Variants in TANC2 observed in about 807,000 individuals in gnomAD.
The protein encoded by TANC2 is protein TANC2.
In TANC2, 26 loss-of-function variants were observed where a neutral mutation model predicts 210.5. The observed-to-expected ratio is 0.12, with a 90% confidence interval of 0.09 to 0.17. The LOEUF (loss-of-function observed/expected upper bound fraction) is 0.17. Among genes scored for constraint, TANC2 ranks in the 10% least tolerant of loss-of-function variants. The pLI, the probability that TANC2 is intolerant of heterozygous loss-of-function variation, is 1.00. For missense variants in TANC2, 2,129 were observed against 2,608.9 expected, an observed-to-expected ratio of 0.82 and a Z score of 4.01; for synonymous variants, 931 against 967.1, an observed-to-expected ratio of 0.96 and a Z score of 0.69.
Position 63,025,531 on chromosome 17 carries a change from C to T in TANC2, c.67+15905C>T, listed in dbSNP as rs185259340. Among the ~76,000 whole-genome samples, 331 of 152,206 alleles carry T rather than the reference C, an allele frequency of 2.2e-3. 1 individual carries two copies. The highest frequency in any genetic ancestry group is 7.6e-3 in the African/African-American group (315 of 41,528). On this transcript the variant is annotated intron_variant, in intron 2 of 27. Transcript: ENST00000689528. ...AGATCACGGGGCAGGCATGGTAGCTCACGCCTGTAATCCCAGCACTTTGGG... is the reference window on the plus strand; with the variant it reads ...AGATCACGGGGCAGGCATGGTAGCTTACGCCTGTAATCCCAGCACTTTGGG...
At chr17:63,041,544 T>C (rs2035187265) in intron 2 of TANC2, among the ~76,000 whole-genome samples, 1 of 152,200 alleles carries the variant, frequency 6.6e-6, no homozygotes, top group African/African-American at 2.4e-5. Flanking sequence ...AGCACTTCAG[T>C]AATCTTAATC....
intron 14 of TANC2, among the ~76,000 whole-genome samples, chr17:63,360,976 C>T (rs2046941627): frequency 1.3e-5 from 2 of 152,208 alleles, no homozygotes; most frequent in African/African-American, 2.4e-5. Context: ...GACAGGGCCT[C>T]ATTCTTTTTT....
chr17:63,254,593 A>G (rs1325893907), intron 8 of TANC2, among the ~76,000 whole-genome samples: 1 of 152,192 alleles, frequency 6.6e-6, no homozygotes, highest in African/African-American at 2.4e-5. Flanking sequence ...CCCATTCAGT[A>G]TGATACTAGC....
chr17:63,286,444 T>G (rs7216315), intron 9 of TANC2, among the ~76,000 whole-genome samples: 28 of 152,212 alleles, frequency 1.8e-4, no homozygotes, highest in East Asian at 7.7e-4. Context: ...TCCACTGCCT[T>G]CTCACTTGCA....
At chr17:63,291,721 A>G (rs1369734408) in intron 9 of TANC2, among the ~76,000 whole-genome samples, 1 of 152,218 alleles carries the variant, frequency 6.6e-6, no homozygotes, top group African/African-American at 2.4e-5. Context: ...TAAGGACTTA[A>G]CATACATTTC....
At chr17:63,104,730 G>A (rs1247491236) in intron 4 of TANC2, among the ~76,000 whole-genome samples, 1 of 152,146 alleles carries the variant, frequency 6.6e-6, no homozygotes, top group Admixed American at 6.5e-5. Context: ...CTCTTACTCG[G>A]AAGTGGGAGA....
intron 4 of TANC2, among the ~76,000 whole-genome samples, chr17:63,126,607 C>T (rs1243677200): frequency 6.6e-6 from 1 of 152,080 alleles, no homozygotes; most frequent in African/African-American, 2.4e-5. Context: ...TGGAGTTTCA[C>T]TGTGTTGGCC....
At chr17:63,286,998 A>C (rs893370867) in intron 9 of TANC2, among the ~76,000 whole-genome samples, 1 of 152,068 alleles carries the variant, frequency 6.6e-6, no homozygotes, top group Non-Finnish European at 1.5e-5. Flanking sequence ...CAGTGGCGCA[A>C]TCTTGGCCCA....
intron 7 of TANC2, among the ~76,000 whole-genome samples, chr17:63,231,083 TGC>T (rs1406947652): frequency 6.6e-6 from 1 of 152,208 alleles, no homozygotes; most frequent in Non-Finnish European, 1.5e-5. Context: ...AGACTAGGAT[TGC>T]AACCCCTGCT....
chr17:63,294,084 G>T (rs1173847729), intron 9 of TANC2, among the ~76,000 whole-genome samples: 1 of 152,160 alleles, frequency 6.6e-6, no homozygotes, highest in African/African-American at 2.4e-5. Context: ...TGATCTCACA[G>T]AAACTTTCCT....
At chr17:63,111,976 G>A (rs1255045500) in intron 4 of TANC2, among the ~76,000 whole-genome samples, 1 of 152,024 alleles carries the variant, frequency 6.6e-6, no homozygotes, top group Non-Finnish European at 1.5e-5. Flanking sequence ...CGCCCGCCTC[G>A]GCCTTCCAAA....
intron 9 of TANC2, among the ~76,000 whole-genome samples, chr17:63,310,598 C>T (rs944394377): frequency 2.0e-5 from 3 of 152,148 alleles, no homozygotes; most frequent in Non-Finnish European, 2.9e-5. Context: ...AAGACAAACG[C>T]AGGCATTCCA....
intron 19 of TANC2, among the ~76,000 whole-genome samples, chr17:63,402,298 TC>T (rs1269121845): frequency 6.6e-6 from 1 of 152,216 alleles, no homozygotes; most frequent in Non-Finnish European, 1.5e-5. Flanking sequence ...AACCTCTTCC[TC>T]TGTGCCTTCC....
rs569717698 is a variant in TANC2, at chr17:63,079,243, G to C, written c.139+5229G>C. Among the ~76,000 whole-genome samples, 3 of 152,316 alleles carry C rather than the reference G, an allele frequency of 2.0e-5. No individual in the cohort carries two copies. The East Asian group carries it at 5.8e-4, about 29-fold the overall frequency. The stretch of plus-strand genomic sequence containing the variant: ...CATTCCCACTTTCTAACCAGAAAGA[G>C]AAGACTTATTTTGTATCTCTTTGTG... On this transcript the variant is annotated intron_variant, in intron 3 of 27. Coordinates refer to ENST00000689528, the Ensembl canonical transcript of TANC2.
chr17:63,032,405 T>G (rs2034808753), intron 2 of TANC2, among the ~76,000 whole-genome samples: 1 of 151,914 alleles, frequency 6.6e-6, no homozygotes, highest in Non-Finnish European at 1.5e-5. Flanking sequence ...GGGAGTAAAT[T>G]AGTATGGGAG....
chr17:63,183,107 T>C (rs1368672768), intron 5 of TANC2, among the ~76,000 whole-genome samples: 1 of 152,224 alleles, frequency 6.6e-6, no homozygotes, highest in African/African-American at 2.4e-5. Flanking sequence ...AATCTCTGTA[T>C]GCACTTTGCT....
chr17:63,294,622 A>G (rs1232325180), intron 9 of TANC2, among the ~76,000 whole-genome samples: 1 of 152,220 alleles, frequency 6.6e-6, no homozygotes, highest in Non-Finnish European at 1.5e-5. Flanking sequence ...ACAAACACTC[A>G]TATGCCCACC....
chr17:63,155,711 T>C (rs1424059864), intron 5 of TANC2, among the ~76,000 whole-genome samples: 1 of 152,190 alleles, frequency 6.6e-6, no homozygotes, highest in Non-Finnish European at 1.5e-5. Context: ...AAAACGGTAG[T>C]GTCTTTCAAA....
chr17:63,217,815 A>C (rs1429225764), intron 7 of TANC2, among the ~76,000 whole-genome samples: 1 of 152,232 alleles, frequency 6.6e-6, no homozygotes, highest in Non-Finnish European at 1.5e-5. Context: ...CAGAGTTCTT[A>C]ACAAAATTCT....
Sources: gnomAD v4.1 joint callset for allele counts (sites outside exome capture counted in the v4.1 genomes callset) on GRCh38, gnomAD v4.1.1 for gene constraint, MANE v1.5 for transcripts, NCBI Gene and HGNC (gene_info 2026-07-23, HGNC 2026-07-21) for gene names.